SCAPER: variants seen among roughly 807,000 people sequenced by gnomAD.
SCAPER encodes the protein S-phase cyclin A associated protein in the ER.
In SCAPER, 98 loss-of-function variants were observed where a neutral mutation model predicts 182.2. That is an observed-to-expected ratio of 0.54 (90% CI 0.46 to 0.64). The LOEUF (loss-of-function observed/expected upper bound fraction) is 0.64. Among genes scored for constraint, SCAPER ranks in the 30% least tolerant of loss-of-function variants. The pLI is 0.00. For synonymous variants in SCAPER, 605 were observed against 564.6 expected (o/e 1.07, Z -1.01); for missense variants, 1,432 against 1,690.0 (o/e 0.85, Z 2.68).
chr15:76,895,462 A>T (rs2074378904), intron 1 of SCAPER, among the ~76,000 whole-genome samples: 2 of 152,062 alleles, frequency 1.3e-5, no homozygotes, highest in Non-Finnish European at 2.9e-5. Context: ...AAGATCAACA[A>T]GACAAGAATG....
intron 8 of SCAPER, among the ~76,000 whole-genome samples, chr15:76,779,004 A>G (rs553971146): frequency 1.3e-5 from 2 of 152,186 alleles, no homozygotes; most frequent in South Asian, 4.1e-4. Flanking sequence ...ATATTGGATA[A>G]TGATAAAAAG....
At chr15:76,664,761 G>C (rs2056443512) in intron 21 of SCAPER, among the ~76,000 whole-genome samples, 1 of 152,024 alleles carries the variant, frequency 6.6e-6, no homozygotes, top group Non-Finnish European at 1.5e-5. Context: ...GAGAAATCTG[G>C]ACTAACTTCA....
intron 29 of SCAPER, among the ~76,000 whole-genome samples, chr15:76,363,605 C>T (rs552174993): frequency 2.0e-5 from 3 of 152,328 alleles, no homozygotes; most frequent in African/African-American, 7.2e-5. Context: ...AGTTAAATTT[C>T]ACCAGGGCAA....
intron 14 of SCAPER, among the ~76,000 whole-genome samples, chr15:76,762,891 A>C (rs1209720798): frequency 6.6e-6 from 1 of 152,154 alleles, no homozygotes; most frequent in Non-Finnish European, 1.5e-5. Context: ...ACCTGGCCTC[A>C]TGTGATCCTC....
intron 24 of SCAPER, among the ~76,000 whole-genome samples, chr15:76,475,518 G>A (rs1162359158): frequency 6.6e-6 from 1 of 152,024 alleles, no homozygotes; most frequent in Non-Finnish European, 1.5e-5. Context: ...TCACCATGTT[G>A]GCCAGGCTGG....
At chr15:76,623,821 A>G (rs928091465) in intron 21 of SCAPER, among the ~76,000 whole-genome samples, 2 of 152,090 alleles carry the variant, frequency 1.3e-5, no homozygotes, top group Non-Finnish European at 1.5e-5. Flanking sequence ...GATCATCTCA[A>G]TAGATGCAGA....
intron 22 of SCAPER, among the ~76,000 whole-genome samples, chr15:76,616,866 C>G (rs1195060005): frequency 6.6e-6 from 1 of 152,104 alleles, no homozygotes; most frequent in Admixed American, 6.5e-5. Flanking sequence ...TTTCAATCAT[C>G]ATAAGCATTT....
At chr15:76,616,310 C>T (rs1055188114) in intron 22 of SCAPER, among the ~76,000 whole-genome samples, 2 of 152,004 alleles carry the variant, frequency 1.3e-5, no homozygotes, top group African/African-American at 4.8e-5. Flanking sequence ...ATATTCTTAT[C>T]CTTGGTGCAA....
At chr15:76,633,965 A>T (rs907119694) in intron 21 of SCAPER, among the ~76,000 whole-genome samples, 1 of 152,136 alleles carries the variant, frequency 6.6e-6, no homozygotes, top group Non-Finnish European at 1.5e-5. Context: ...CCCCCTTCCC[A>T]TGGAGTGGAT....
intron 15 of SCAPER, among the ~76,000 whole-genome samples, chr15:76,738,894 A>G (rs280029): frequency 0.13 from 20,455 of 152,180 alleles, 1,413 homozygotes; most frequent in African/African-American, 0.17. Context: ...AATGGCAAAA[A>G]TAAAGACTTT....
At chr15:76,387,026 T>C (rs1281572257) in intron 27 of SCAPER, among the ~76,000 whole-genome samples, 2 of 152,022 alleles carry the variant, frequency 1.3e-5, no homozygotes, top group Non-Finnish European at 2.9e-5. Context: ...ATCATCCAAG[T>C]GAGAAATAAT....
chr15:76,465,969 A>G (rs2049584061), intron 25 of SCAPER, among the ~76,000 whole-genome samples: 1 of 152,082 alleles, frequency 6.6e-6, no homozygotes, highest in Non-Finnish European at 1.5e-5. Flanking sequence ...CTAGTACACG[A>G]CAAGTCACTT....
intron 6 of SCAPER, among the ~76,000 whole-genome samples, chr15:76,804,006 C>CA: frequency 6.6e-6 from 1 of 152,158 alleles, no homozygotes; most frequent in Non-Finnish European, 1.5e-5. Context: ...CAAAAATCAT[C>CA]AATTTTCCTC....
intron 3 of SCAPER, among the ~76,000 whole-genome samples, chr15:76,858,598 T>C (rs1417533746): frequency 6.6e-6 from 1 of 152,178 alleles, no homozygotes; most frequent in Non-Finnish European, 1.5e-5. Flanking sequence ...TAGGTAGTTT[T>C]TCAATCCTCA....
At chr15:76,505,010 C>T in intron 23 of SCAPER, 36 bp from the exon 24 acceptor site, 1 of 1,517,088 alleles carries the variant, frequency 6.6e-7, no homozygotes. Flanking sequence ...AGCCCAATTT[C>T]CCAGGCATTA....
intron 21 of SCAPER, among the ~76,000 whole-genome samples, chr15:76,649,677 G>A (rs55946528): frequency 0.049 from 7,310 of 149,204 alleles, 217 homozygotes; most frequent in South Asian, 0.12. Context: ...TGTGTTCTCT[G>A]CTGATCAGAA....
intron 17 of SCAPER, among the ~76,000 whole-genome samples, chr15:76,720,994 C>T (rs2060204542): frequency 6.6e-6 from 1 of 152,084 alleles, no homozygotes; most frequent in Non-Finnish European, 1.5e-5. Context: ...ACATGAAGTC[C>T]TTGCCCATGC....
At chr15:76,851,649 A>T (rs2070766072) in intron 4 of SCAPER, among the ~76,000 whole-genome samples, 1 of 152,218 alleles carries the variant, frequency 6.6e-6, no homozygotes, top group East Asian at 1.9e-4. Context: ...GAGAGAGTTT[A>T]TGACTACCAG....
At chr15:76,348,818 T>C in intron 31 of SCAPER, 82 bp from the exon 32 acceptor site, 1 of 807,502 alleles carries the variant, frequency 1.2e-6, no homozygotes, top group East Asian at 2.7e-5. Context: ...CTTATTTTGA[T>C]ATCTGAGTAT....
Sources: allele counts gnomAD v4.1 joint callset (sites outside exome capture counted in the v4.1 genomes callset), GRCh38; gene constraint gnomAD v4.1.1; transcripts MANE v1.5; gene names NCBI Gene and HGNC (gene_info 2026-07-23, HGNC 2026-07-21).